ACOXL: variants seen among roughly 807,000 people sequenced by gnomAD.
ACOXL encodes acyl-coenzyme A oxidase-like protein.
ACOXL carries 70 observed loss-of-function variants against 71.9 expected under a neutral mutation model. The observed-to-expected ratio is 0.97, with a 90% confidence interval of 0.80 to 1.19. ACOXL has a LOEUF of 1.19. Among genes scored for constraint, ACOXL ranks in the 50% most tolerant of loss-of-function variants. ACOXL has a pLI of 0.00. For synonymous variants in ACOXL, 253 were observed against 281.6 expected, an observed-to-expected ratio of 0.90 and a Z score of 1.02; for missense variants, 703 against 736.3, an observed-to-expected ratio of 0.95 and a Z score of 0.52.
At chr2:110,997,591 C>CT (rs2063454615) in intron 14 of ACOXL, among the ~76,000 whole-genome samples, 1 of 152,208 alleles carries the variant, frequency 6.6e-6, no homozygotes, top group South Asian at 2.1e-4. Context: ...TTTTAGATAT[C>CT]TAAGAATCAG....
At chr2:110,821,246 C>G (rs1390834085) in intron 9 of ACOXL, among the ~76,000 whole-genome samples, 2 of 152,142 alleles carry the variant, frequency 1.3e-5, no homozygotes, top group African/African-American at 2.4e-5. Flanking sequence ...GATAAGCTCT[C>G]TTTTGAGGAG....
intron 14 of ACOXL, among the ~76,000 whole-genome samples, chr2:111,021,757 T>C (rs2064770948): frequency 6.6e-6 from 1 of 151,624 alleles, no homozygotes; most frequent in Non-Finnish European, 1.5e-5. Flanking sequence ...AGAGTGGAAG[T>C]TGAGACACTT....
Position 111,047,478 on chromosome 2 carries a change from T to A in ACOXL, c.1370-1740T>A, listed in dbSNP as rs77947598. ...AAAACCTAGCACCTGAATTTGTAGATTATTCTTTAGCCATCCTCAGACAGT... is the reference window on the plus strand; with the variant it reads ...AAAACCTAGCACCTGAATTTGTAGAATATTCTTTAGCCATCCTCAGACAGT... On this transcript the variant is annotated intron_variant, in intron 15 of 17. Coordinates refer to ENST00000439055, the MANE Select transcript of ACOXL (RefSeq NM_001142807.4). 2.1e-3 allele frequency among the ~76,000 whole-genome samples: 325 copies of A among 152,330 alleles called. 4 individuals carry two copies. In the East Asian group the frequency reaches 0.045, roughly 21 times the overall value.
intron 14 of ACOXL, among the ~76,000 whole-genome samples, chr2:111,030,767 C>A (rs2065229555): frequency 6.6e-6 from 1 of 151,872 alleles, no homozygotes; most frequent in South Asian, 2.1e-4. Flanking sequence ...GTATTAAACC[C>A]ATGTGGTTTT....
At chr2:110,925,853 C>CTTTT (rs59794309) in intron 11 of ACOXL, among the ~76,000 whole-genome samples, 2 of 121,010 alleles carry the variant, frequency 1.7e-5, no homozygotes, top group East Asian at 2.5e-4. Context: ...TTACTTCTAG[C>CTTTT]TTTTTTTTTT....
chr2:111,083,867 G>A (rs1416584186), intron 16 of ACOXL, among the ~76,000 whole-genome samples: 1 of 152,188 alleles, frequency 6.6e-6, no homozygotes, highest in Non-Finnish European at 1.5e-5. Context: ...GAATTATTAT[G>A]AGGACTAAAT....
At chr2:110,882,080 C>T (rs1696720869) in intron 10 of ACOXL, among the ~76,000 whole-genome samples, 1 of 152,106 alleles carries the variant, frequency 6.6e-6, no homozygotes, top group African/African-American at 2.4e-5. Flanking sequence ...TGTTACTTTC[C>T]CGACAGCGGC....
intron 1 of ACOXL, among the ~76,000 whole-genome samples, chr2:110,746,542 T>C (rs186414596): frequency 1.3e-5 from 2 of 152,306 alleles, no homozygotes; most frequent in African/African-American, 4.8e-5. Flanking sequence ...ACCCGGCTCC[T>C]GGGCATGTTG....
intron 17 of ACOXL, among the ~76,000 whole-genome samples, chr2:111,108,984 T>C (rs2150073963): frequency 6.6e-6 from 1 of 152,336 alleles, no homozygotes; most frequent in Non-Finnish European, 1.5e-5. Context: ...TGCTGAGTAG[T>C]ATTTCATTGT....
intron 10 of ACOXL, among the ~76,000 whole-genome samples, chr2:110,858,878 A>G (rs1279695000): frequency 1.3e-5 from 2 of 152,206 alleles, no homozygotes; most frequent in Non-Finnish European, 2.9e-5. Flanking sequence ...TGTGTCTCAA[A>G]CAGGAAGCCT....
intron 16 of ACOXL, among the ~76,000 whole-genome samples, chr2:111,078,597 T>A (rs1200953459): frequency 3.3e-5 from 5 of 152,226 alleles, no homozygotes; most frequent in Non-Finnish European, 1.5e-5. Context: ...AATTTACTAT[T>A]CTACCATTTG....
intron 3 of ACOXL, among the ~76,000 whole-genome samples, chr2:110,786,127 C>T (rs777590365): frequency 2.6e-5 from 4 of 152,202 alleles, no homozygotes; most frequent in Admixed American, 6.5e-5. Flanking sequence ...CCTCCTTTCC[C>T]TCCCTGGACA....
intron 10 of ACOXL, 120 bp from the exon 11 acceptor site, chr2:110,908,669 G>T (rs996798452): frequency 3.1e-5 from 24 of 765,734 alleles, no homozygotes; most frequent in African/African-American, 3.1e-4. Context: ...AGGAAATTCA[G>T]ATTTCTGCAT....
At chr2:110,799,212 C>T in intron 7 of ACOXL, 112 bp downstream of exon 7, 1 of 1,035,394 alleles carries the variant, frequency 9.7e-7, no homozygotes, top group Admixed American at 1.9e-5. Context: ...GTGGAGAAAA[C>T]TTCCCCAGAG....
chr2:110,921,071 A>G (rs912885585), intron 11 of ACOXL, among the ~76,000 whole-genome samples: 1 of 152,018 alleles, frequency 6.6e-6, no homozygotes. Flanking sequence ...ATTTTATCTA[A>G]TTTGTCAAAT....
At chr2:110,744,017 C>T (rs1337000209) in intron 1 of ACOXL, among the ~76,000 whole-genome samples, 1 of 152,184 alleles carries the variant, frequency 6.6e-6, no homozygotes, top group Non-Finnish European at 1.5e-5. Context: ...AGGCACTGAC[C>T]CTGCACCCTG....
intron 11 of ACOXL, among the ~76,000 whole-genome samples, chr2:110,913,902 G>A (rs771596268): frequency 6.6e-6 from 1 of 152,118 alleles, no homozygotes; most frequent in Non-Finnish European, 1.5e-5. Context: ...CAAGCCTGGA[G>A]GAATCCACCC....
At chr2:111,088,092 A>G (rs976147948) in intron 16 of ACOXL, among the ~76,000 whole-genome samples, 2 of 152,226 alleles carry the variant, frequency 1.3e-5, no homozygotes, top group South Asian at 4.1e-4. Flanking sequence ...CCACAATAAG[A>G]TACCATCTCA....
At position 110,960,134 on chromosome 2, in the gene ACOXL, A is replaced by G. The variant is rs374293870; in HGVS notation, c.1059+26492A>G. 3.2e-4 allele frequency among the ~76,000 whole-genome samples: 48 copies of G among 152,260 alleles called. No homozygotes were observed. The East Asian group carries it at 7.2e-3, about 23-fold the overall frequency. On this transcript the variant is annotated intron_variant, in intron 12 of 17. Coordinates refer to ENST00000439055, the MANE Select transcript of ACOXL (RefSeq NM_001142807.4). ...ATGGAAATGAAATGAGGGAGCCCCC[A>G]TGGAGGTCTGAGGGGAGTGTTCCAG... is the stretch of plus-strand genomic sequence containing the variant.
Sources: gnomAD v4.1 joint callset for allele counts (sites outside exome capture counted in the v4.1 genomes callset) on GRCh38, gnomAD v4.1.1 for gene constraint, MANE v1.5 for transcripts, NCBI Gene and HGNC (gene_info 2026-07-23, HGNC 2026-07-21) for gene names.